The following SNTG1 variants were observed in gnomAD, a reference collection of about 807,000 sequenced individuals.
SNTG1 encodes the protein gamma-1-syntrophin.
SNTG1 carries 39 observed loss-of-function variants against 74.7 expected under a neutral mutation model. That is an observed-to-expected ratio of 0.52 (90% confidence interval 0.40 to 0.68). The LOEUF (loss-of-function observed/expected upper bound fraction) is 0.68, where lower values mean the gene tolerates loss of function less well. SNTG1 is among the 30% of genes least tolerant of loss of function. SNTG1 has a pLI of 0.00. For missense variants in SNTG1, 685 were observed against 609.5 expected (o/e 1.12, Z -1.30); for synonymous variants, 254 against 217.1 (o/e 1.17, Z -1.49).
chr8:50,664,168 A>T (rs1202125031), intron 15 of SNTG1, among the ~76,000 whole-genome samples: 1 of 152,128 alleles, frequency 6.6e-6, no homozygotes, highest in Non-Finnish European at 1.5e-5. Context: ...GAGTTTGGCT[A>T]TTTTTTTAGA....
chr8:50,026,541 A>C (rs1435859596), intron 1 of SNTG1, among the ~76,000 whole-genome samples: 1 of 152,170 alleles, frequency 6.6e-6, no homozygotes, highest in Non-Finnish European at 1.5e-5. Flanking sequence ...CCACATCACA[A>C]ATACAAAATG....
intron 12 of SNTG1, among the ~76,000 whole-genome samples, chr8:50,555,336 A>G (rs1401554715): frequency 1.3e-5 from 2 of 152,184 alleles, no homozygotes. Flanking sequence ...TTAGGTTCCA[A>G]TGTATTCTGA....
chr8:50,225,589 T>C (rs1431043969), intron 2 of SNTG1, among the ~76,000 whole-genome samples: 1 of 152,156 alleles, frequency 6.6e-6, no homozygotes, highest in South Asian at 2.1e-4. Context: ...CTTGGGCACA[T>C]GTTCACAGGA....
chr8:50,725,895 G>A (rs1201172696), intron 17 of SNTG1, among the ~76,000 whole-genome samples: 2 of 152,178 alleles, frequency 1.3e-5, no homozygotes, highest in Admixed American at 1.3e-4. Context: ...TTACAGAGGT[G>A]CATCTTCTCT....
chr8:50,738,288 A>G (rs1424533419), intron 17 of SNTG1, among the ~76,000 whole-genome samples: 1 of 152,186 alleles, frequency 6.6e-6, no homozygotes, highest in Non-Finnish European at 1.5e-5. Context: ...GAGCCAAATC[A>G]TGAGTGAAAT....
At chr8:50,340,834 T>C (rs146915457) in intron 2 of SNTG1, among the ~76,000 whole-genome samples, 1 of 152,090 alleles carries the variant, frequency 6.6e-6, no homozygotes, top group East Asian at 1.9e-4. Context: ...TTTTTGTCTG[T>C]ACATTATCTC....
intron 1 of SNTG1, among the ~76,000 whole-genome samples, chr8:50,029,955 A>G (rs1333921836): frequency 6.6e-6 from 1 of 152,096 alleles, no homozygotes; most frequent in African/African-American, 2.4e-5. Flanking sequence ...ACTAATCTAC[A>G]TTCCCATCAA....
chr8:50,474,407 G>T (rs2093678830), intron 8 of SNTG1, among the ~76,000 whole-genome samples: 1 of 150,416 alleles, frequency 6.6e-6, no homozygotes, highest in Non-Finnish European at 1.5e-5. Flanking sequence ...CCATCAAAAA[G>T]TGGGCGAAGG....
chr8:50,423,726 A>G (rs915463503), intron 4 of SNTG1, among the ~76,000 whole-genome samples: 2 of 152,208 alleles, frequency 1.3e-5, no homozygotes, highest in East Asian at 1.9e-4. Context: ...GAGAAAATCT[A>G]CAAAGAAAAT....
At chr8:50,027,161 T>A (rs1169930571) in intron 1 of SNTG1, among the ~76,000 whole-genome samples, 1 of 152,110 alleles carries the variant, frequency 6.6e-6, no homozygotes, top group Non-Finnish European at 1.5e-5. Flanking sequence ...TGAAAGCGGG[T>A]GCTTTGATGG....
chr8:49,996,722 G>T (rs917246030), intron 1 of SNTG1, among the ~76,000 whole-genome samples: 3 of 152,018 alleles, frequency 2.0e-5, no homozygotes, highest in Non-Finnish European at 4.4e-5. Flanking sequence ...CATCAAAAGG[G>T]TTATTGTTCT....
chr8:50,010,579 T>G (rs984290572), intron 1 of SNTG1, among the ~76,000 whole-genome samples: 1 of 152,130 alleles, frequency 6.6e-6, no homozygotes, highest in Non-Finnish European at 1.5e-5. Flanking sequence ...TATAGTCATT[T>G]TCTAAAGAAT....
chr8:50,370,793 T>A (rs1351812489), intron 2 of SNTG1, among the ~76,000 whole-genome samples: 1 of 151,762 alleles, frequency 6.6e-6, no homozygotes, highest in Non-Finnish European at 1.5e-5. Flanking sequence ...TGCACTACAC[T>A]CCACAAGCAC....
At chr8:50,767,641 G>A (rs548870843) in intron 18 of SNTG1, among the ~76,000 whole-genome samples, 144 of 151,804 alleles carry the variant, frequency 9.5e-4, no homozygotes, top group Non-Finnish European at 1.5e-3. Flanking sequence ...TTATTTTATT[G>A]CCACTGATAA....
At chr8:50,003,521 G>T (rs1352060946) in intron 1 of SNTG1, among the ~76,000 whole-genome samples, 1 of 151,996 alleles carries the variant, frequency 6.6e-6, no homozygotes, top group Non-Finnish European at 1.5e-5. Context: ...TTAAATTTAA[G>T]AATAGAAGGC....
At chr8:50,251,069 C>A (rs1264797051) in intron 2 of SNTG1, among the ~76,000 whole-genome samples, 3 of 151,536 alleles carry the variant, frequency 2.0e-5, no homozygotes, top group African/African-American at 7.3e-5. Context: ...TTACAGTAAC[C>A]AAAATGCAAA....
At chr8:50,225,165 G>A (rs1467910318) in intron 2 of SNTG1, among the ~76,000 whole-genome samples, 1 of 151,868 alleles carries the variant, frequency 6.6e-6, no homozygotes, top group Non-Finnish European at 1.5e-5. Flanking sequence ...GTAGAGACGG[G>A]GTTTCACCAT....
chr8:50,331,563 T>C (rs1000713930), intron 2 of SNTG1, among the ~76,000 whole-genome samples: 1 of 152,172 alleles, frequency 6.6e-6, no homozygotes, highest in African/African-American at 2.4e-5. Flanking sequence ...AGTCTAAATT[T>C]ACCGAGAAGC....
At chr8:50,363,144 C>A (rs1489394049) in intron 2 of SNTG1, among the ~76,000 whole-genome samples, 1 of 152,114 alleles carries the variant, frequency 6.6e-6, no homozygotes, top group Non-Finnish European at 1.5e-5. Flanking sequence ...AAACTTCTAA[C>A]CAGATTTAGC....
Sources: gnomAD v4.1 joint callset for allele counts (sites outside exome capture counted in the v4.1 genomes callset) on GRCh38, gnomAD v4.1.1 for gene constraint, MANE v1.5 for transcripts, NCBI Gene and HGNC (gene_info 2026-07-23, HGNC 2026-07-21) for gene names.